The following TSHR variants were observed in gnomAD, a reference collection of about 807,000 sequenced individuals.
The protein encoded by TSHR is thyroid stimulating hormone receptor.
In TSHR, 51 loss-of-function variants were observed where a neutral mutation model predicts 64.1. The ratio of observed to expected loss-of-function variants is 0.80; its 90% CI spans 0.64 to 1.01. TSHR has a LOEUF of 1.01. TSHR is among the 50% of genes least tolerant of loss of function. TSHR has a pLI of 0.00. For synonymous variants in TSHR, 361 were observed against 361.9 expected (o/e 1.00, Z 0.03); for missense variants, 877 against 942.8 (o/e 0.93, Z 0.91).
intron 8 of TSHR, chr14:81,108,733 T>C (rs1890081824): frequency 1.6e-5 from 25 of 1,612,562 alleles, no homozygotes; most frequent in Non-Finnish European, 2.0e-5. Flanking sequence ...GCTCTGTTCA[T>C]GGAGCAGCTG....
In TSHR at chr14:80,969,037, C is replaced by T. The variant is rs538085191; in HGVS notation, c.170+13187C>T. Among the ~76,000 whole-genome samples, 6 of 152,246 alleles carry T rather than the reference C, an allele frequency of 3.9e-5. No homozygotes were observed. In the South Asian group the frequency reaches 1.0e-3, roughly 26 times the overall value. ...GTTACTAGGGTGATGGTGAGATGAG[C>T]CAATTCTATCATTGCCCCCGGGTTT... On this transcript the variant is annotated intron_variant, in intron 1 of 9. Transcript: ENST00000298171.
At chr14:81,009,668 C>A (rs985727563) in intron 1 of TSHR, among the ~76,000 whole-genome samples, 1 of 151,712 alleles carries the variant, frequency 6.6e-6, no homozygotes, top group African/African-American at 2.4e-5. Flanking sequence ...TTTCTTGACT[C>A]CATATGTGAA....
intron 1 of TSHR, chr14:81,053,921 G>T (rs1018400465): frequency 1.3e-5 from 2 of 152,148 alleles, no homozygotes; most frequent in Admixed American, 1.3e-4. Flanking sequence ...TTGAATAAAA[G>T]AAGCAAGGCA....
At chr14:81,065,821 T>C (rs1055182203) in intron 2 of TSHR, among the ~76,000 whole-genome samples, 16 of 152,180 alleles carry the variant, frequency 1.1e-4, no homozygotes, top group African/African-American at 3.9e-4. Context: ...TGATATATCT[T>C]GGGGAGAAGA....
intron 1 of TSHR, among the ~76,000 whole-genome samples, chr14:80,956,977 T>C (rs1262411170): frequency 6.6e-6 from 1 of 152,178 alleles, no homozygotes; most frequent in East Asian, 1.9e-4. Context: ...AGGTTGCTTG[T>C]CACCTCTAGA....
At chr14:81,117,685 A>G (rs1401769883) in intron 8 of TSHR, among the ~76,000 whole-genome samples, 5 of 100,744 alleles carry the variant, frequency 5.0e-5, no homozygotes, top group Non-Finnish European at 5.6e-5. Context: ...TGAGGCCAGC[A>G]TCATTCTGAT....
intron 3 of TSHR, among the ~76,000 whole-genome samples, chr14:81,086,142 G>A (rs907519609): frequency 6.6e-6 from 1 of 152,210 alleles, no homozygotes; most frequent in Non-Finnish European, 1.5e-5. Flanking sequence ...ATAAACTGTT[G>A]ATGCTTTCTG....
chr14:81,051,863 T>A (rs1442615338), intron 1 of TSHR: 1 of 152,164 alleles, frequency 6.6e-6, no homozygotes, highest in Admixed American at 6.6e-5. Context: ...TCCATGTCAT[T>A]TGCCCATTTT....
At chr14:80,991,807 C>G in intron 1 of TSHR, 1 of 380,238 alleles carries the variant, frequency 2.6e-6, no homozygotes, top group Non-Finnish European at 4.6e-6. Flanking sequence ...TGAATTCACA[C>G]CGACAAGCCT....
At chr14:81,135,270 G>A (rs2140094866) in intron 8 of TSHR, among the ~76,000 whole-genome samples, 1 of 152,298 alleles carries the variant, frequency 6.6e-6, no homozygotes, top group East Asian at 1.9e-4. Flanking sequence ...ACTGGGGAGA[G>A]GGGAAATAGT....
chr14:81,005,070 C>G (rs59265535), intron 1 of TSHR, among the ~76,000 whole-genome samples: 8,332 of 152,266 alleles, frequency 0.055, 731 homozygotes, highest in African/African-American at 0.19. Context: ...GAAAACATCT[C>G]TGGAGATGAA....
At chr14:81,075,247 C>T (rs564245872) in intron 3 of TSHR, among the ~76,000 whole-genome samples, 4 of 152,324 alleles carry the variant, frequency 2.6e-5, no homozygotes, top group African/African-American at 7.2e-5. Flanking sequence ...TTGCATCCCT[C>T]CCAGCTCCAG....
At chr14:81,068,639 C>T (rs1370790908) in intron 3 of TSHR, among the ~76,000 whole-genome samples, 1 of 152,118 alleles carries the variant, frequency 6.6e-6, no homozygotes, top group African/African-American at 2.4e-5. Context: ...TACTGAGTAA[C>T]TACTTGATTC....
At chr14:81,048,832 T>C (rs1885295795) in intron 1 of TSHR, among the ~76,000 whole-genome samples, 1 of 152,202 alleles carries the variant, frequency 6.6e-6, no homozygotes, top group Non-Finnish European at 1.5e-5. Flanking sequence ...TTGCCCTCAC[T>C]CTCTGATTCA....
At chr14:80,982,747 G>GA in intron 1 of TSHR, 1 of 697,346 alleles carries the variant, frequency 1.4e-6, no homozygotes, top group Non-Finnish European at 2.3e-6. Context: ...CTCAGCTGAA[G>GA]AAAATGCCTA....
intron 1 of TSHR, among the ~76,000 whole-genome samples, chr14:80,988,965 C>T (rs1566751173): frequency 6.6e-6 from 1 of 152,196 alleles, no homozygotes; most frequent in Non-Finnish European, 1.5e-5. Flanking sequence ...TCACTTGCGC[C>T]AACATCTCAA....
rs958838211 is a variant in TSHR at position 81,145,954 on chromosome 14, A to T, written c.*1601A>T. 2 of 232,166 alleles carry T rather than the reference A, an allele frequency of 8.6e-6. No individual in the cohort carries two copies. The highest frequency in any genetic ancestry group is 4.4e-5 in the African/African-American group (2 of 45,278). The allele number at this position is 232,166 out of a possible 1,614,324, so 14.4% of individuals were successfully genotyped here. On this transcript the variant is annotated 3_prime_UTR_variant, in exon 10 of 10. Transcript: ENST00000298171. ...TGTGAAGTGTCGTTAATGGGTCCCC[A>T]CAGATGGTCCCTGCTGGACTCACCT...
At chr14:81,057,666 G>T (rs183060359) in intron 1 of TSHR, among the ~76,000 whole-genome samples, 70 of 152,246 alleles carry the variant, frequency 4.6e-4, no homozygotes, top group Non-Finnish European at 8.1e-4. Flanking sequence ...TGACACAGGT[G>T]GTTAATACAA....
At chr14:81,114,436 C>T (rs1329005270) in intron 8 of TSHR, among the ~76,000 whole-genome samples, 37 of 152,316 alleles carry the variant, frequency 2.4e-4, no homozygotes, top group South Asian at 1.7e-3. Context: ...ACTGGAAAAT[C>T]GGGTCGCTCC....
Sources: allele counts gnomAD v4.1 joint callset (sites outside exome capture counted in the v4.1 genomes callset), GRCh38; gene constraint gnomAD v4.1.1; transcripts MANE v1.5; gene names NCBI Gene and HGNC (gene_info 2026-07-23, HGNC 2026-07-21).